Variants in CD274 observed in about 807,000 individuals in gnomAD.
CD274 encodes the protein CD274 molecule, also known as programmed cell death 1 ligand 1.
Under a neutral mutation model 30.1 loss-of-function variants are expected in CD274, and 8 were observed. The ratio of observed to expected loss-of-function variants is 0.27; its 90% confidence interval spans 0.16 to 0.48. CD274 has a LOEUF of 0.48. CD274 is among the 20% of genes least tolerant of loss of function. The pLI is 0.99. For missense variants in CD274, 353 were observed against 346.6 expected (o/e 1.02, Z -0.15); for synonymous variants, 152 against 124.6 (o/e 1.22, Z -1.46).
At chr9:5,456,440 G>A (rs1372881783) in intron 2 of CD274, among the ~76,000 whole-genome samples, 1 of 152,100 alleles carries the variant, frequency 6.6e-6, no homozygotes, top group Non-Finnish European at 1.5e-5. Flanking sequence ...AAAATATCTG[G>A]GGAAATGGCC....
intron 3 of CD274, among the ~76,000 whole-genome samples, chr9:5,459,424 G>A (rs1160554874): frequency 1.3e-5 from 2 of 152,158 alleles, no homozygotes; most frequent in African/African-American, 4.8e-5. Flanking sequence ...TGAGGCAGCT[G>A]GCTTGCAGGA....
rs1819571349 is a variant in CD274, at chr9:5,470,461, T to TA, written c.*2603dup. 1 of 224,268 alleles carries TA rather than the reference T, an allele frequency of 4.5e-6. No individual in the cohort carries two copies. Among genetic ancestry groups the TA allele is most frequent in the Non-Finnish European group, 8.9e-6 (1 of 112,512 alleles). The allele number at this position is 224,268 out of a possible 1,614,324, so 13.9% of individuals were successfully genotyped here. On this transcript the variant is annotated 3_prime_UTR_variant, in exon 7 of 7. Coordinates refer to ENST00000381577, the MANE Select transcript of CD274 (RefSeq NM_014143.4). ...ACTTTTTGTACCTGCATTAATTTAA[T>TA]AAAATATTCTTATTTATTTTGTTAC...
At chr9:5,465,441 C>A in intron 4 of CD274, 58 bp from the exon 5 acceptor site, 4 of 975,964 alleles carry the variant, frequency 4.1e-6, no homozygotes, top group South Asian at 1.3e-5. Context: ...TCTCCTGACC[C>A]CTTCCCATCA....
chr9:5,465,248 A>G (rs1162996817), intron 4 of CD274, among the ~76,000 whole-genome samples: 1 of 152,246 alleles, frequency 6.6e-6, no homozygotes, highest in Non-Finnish European at 1.5e-5. Flanking sequence ...ATCTTGCCCA[A>G]GACCTCAAAA....
chr9:5,469,336 T>C lies in CD274; in HGVS notation c.*1474T>C, dbSNP rs1413699012. ...ATTCATACCTTTCCATGATTCAAAA[T>C]TCAAAAGATCCCATGGGAGATGGTT... is the stretch of plus-strand genomic sequence containing the variant. On this transcript the variant is annotated 3_prime_UTR_variant, in exon 7 of 7. Coordinates refer to ENST00000381577, the MANE Select transcript of CD274 (RefSeq NM_014143.4). The C allele has an allele frequency of 4.3e-6, 1 of 232,654 alleles. No individual in the cohort carries two copies. Among genetic ancestry groups the C allele is most frequent in the Non-Finnish European group, 8.5e-6 (1 of 117,766 alleles). 14.4% of individuals were successfully genotyped at this position (232,654 alleles called of 1,614,324 possible).
At position 5,469,480 on chromosome 9, in the gene CD274, G is replaced by T. The variant is rs372328773; in HGVS notation, c.*1618G>T. 27 of 230,772 alleles carry T rather than the reference G, an allele frequency of 1.2e-4. No homozygotes were observed. The highest frequency in any genetic ancestry group is 4.9e-4 in the East Asian group (8 of 16,176). The allele number at this position is 230,772 out of a possible 1,614,324, so 14.3% of individuals were successfully genotyped here. ...CTACATTTGGAAATGTATGTTAAAAGCACGTATTTTTAAAATTTTTTTCCT... is the reference window on the plus strand; with the variant it reads ...CTACATTTGGAAATGTATGTTAAAATCACGTATTTTTAAAATTTTTTTCCT... On this transcript the variant is annotated 3_prime_UTR_variant, in exon 7 of 7. Transcript: ENST00000381577.
intron 1 of CD274, among the ~76,000 whole-genome samples, chr9:5,454,117 A>G (rs570523406): frequency 6.6e-6 from 1 of 152,298 alleles, no homozygotes; most frequent in South Asian, 2.1e-4. Context: ...GGTTCTTTCC[A>G]TTATATCACT....
At chr9:5,456,029 G>C in intron 1 of CD274, 71 bp from the exon 2 acceptor site, 1 of 872,262 alleles carries the variant, frequency 1.1e-6, no homozygotes, top group African/African-American at 1.7e-5. Context: ...GAACCACCAA[G>C]TCCCATATTG....
chr9:5,465,479 C>G lies in CD274; in HGVS notation c.683-20C>G. The G allele has an allele frequency of 7.0e-7, 1 of 1,430,714 alleles. No homozygotes were observed. Among genetic ancestry groups the G allele is most frequent in the Non-Finnish European group, 9.9e-7 (1 of 1,013,948 alleles). 88.6% of individuals were successfully genotyped at this position (1,430,714 alleles called of 1,614,324 possible). On this transcript the variant is annotated intron_variant, in intron 4 of 6. Transcript: ENST00000381577. ...ATTTTATCTTTAGTCAGTTTGTTTT[C>G]GTTTTGTTTTGTTTTTCAGAACTAC...
Position 5,468,081 on chromosome 9 carries a change from C to A in CD274, c.*219C>A, listed in dbSNP as rs549937238. 3.3e-4 allele frequency: 193 copies of A among 582,904 alleles called. No homozygotes were observed. In the African/African-American group the frequency reaches 3.4e-3, roughly 10 times the overall value. 36.1% of individuals were successfully genotyped at this position (582,904 alleles called of 1,614,324 possible). On this transcript the variant is annotated 3_prime_UTR_variant, in exon 7 of 7. Transcript: ENST00000381577. ...GGGAGCCTGGAGGGAGACCTTGATA[C>A]TTTCAAATGCCTGAGGGGCTCATCG... is the stretch of plus-strand genomic sequence containing the variant.
chr9:5,455,780 T>A (rs2131207805), intron 1 of CD274, among the ~76,000 whole-genome samples: 1 of 152,338 alleles, frequency 6.6e-6, no homozygotes, highest in East Asian at 1.9e-4. Flanking sequence ...AGAAAAAACA[T>A]GAAATAATTG....
rs2131208534 is a variant in CD274 at position 5,456,094 on chromosome 9, A to T, written c.-14-6A>T. The T allele has an allele frequency of 6.4e-7, 1 of 1,564,852 alleles. No individual in the cohort carries two copies. Among genetic ancestry groups the T allele is most frequent in the East Asian group, 2.2e-5 (1 of 44,524 alleles). Reference sequence around the variant, plus strand: ...GCAGTCTTCTTTTCGTGTTTTCCATAATTAGGGCATTCCAGAAAGATGAGG... The same window carrying T: ...GCAGTCTTCTTTTCGTGTTTTCCATTATTAGGGCATTCCAGAAAGATGAGG... On this transcript the variant is annotated splice_region_variant and splice_polypyrimidine_tract_variant and intron_variant, in intron 1 of 6. Coordinates refer to ENST00000381577, the MANE Select transcript of CD274 (RefSeq NM_014143.4).
intron 1 of CD274, among the ~76,000 whole-genome samples, chr9:5,451,032 G>A (rs1819193605): frequency 6.6e-6 from 1 of 152,138 alleles, no homozygotes; most frequent in Non-Finnish European, 1.5e-5. Flanking sequence ...GCGCTAAGCA[G>A]GTCCAGGATC....
Position 5,467,928 on chromosome 9 carries a change from G to A in CD274, c.*66G>A, listed in dbSNP as rs1234366319. 4.3e-6 allele frequency: 6 copies of A among 1,395,242 alleles called. No individual in the cohort carries two copies. The highest frequency in any genetic ancestry group is 6.1e-6 in the Non-Finnish European group (6 of 980,656). The allele number at this position is 1,395,242 out of a possible 1,614,324, so 86.4% of individuals were successfully genotyped here. On this transcript the variant is annotated 3_prime_UTR_variant, in exon 7 of 7. Transcript: ENST00000381577. ...ACCTGTGGTTTAGGGGTTCATCGGG[G>A]CTGAGCGTGACAAGAGGAAGGAATG...
chr9:5,463,572 G>T (rs1362909711), intron 4 of CD274, among the ~76,000 whole-genome samples: 3 of 152,164 alleles, frequency 2.0e-5, no homozygotes, highest in African/African-American at 7.2e-5. Flanking sequence ...TCTTTCCAGG[G>T]TGGCAGGAAA....
chr9:5,463,384 C>T, intron 4 of CD274: 1 of 461,130 alleles, frequency 2.2e-6, no homozygotes, highest in Non-Finnish European at 3.9e-6. Flanking sequence ...AATAATAAGA[C>T]TCAGTTCACA....
intron 3 of CD274, among the ~76,000 whole-genome samples, chr9:5,462,279 C>CT (rs1278981490): frequency 7.2e-5 from 11 of 151,886 alleles, no homozygotes; most frequent in Non-Finnish European, 1.2e-4. Context: ...TTACTGAAGT[C>CT]TAAGAAAAGA....
At position 5,465,610 on chromosome 9, in the gene CD274, G is replaced by C. The variant is rs2131230361; in HGVS notation, c.790+4G>C. On this transcript the variant is annotated splice_donor_region_variant and intron_variant, in intron 5 of 6. Coordinates refer to ENST00000381577, the MANE Select transcript of CD274 (RefSeq NM_014143.4). Reference sequence around the variant, plus strand: ...TTCATCTTCCGTTTAAGAAAAGGTAGTATTTCCTTAATTGCAGTGGTCTCC... The same window carrying C: ...TTCATCTTCCGTTTAAGAAAAGGTACTATTTCCTTAATTGCAGTGGTCTCC... The C allele has an allele frequency of 1.3e-6, 2 of 1,538,248 alleles. No individual in the cohort carries two copies. The highest frequency in any genetic ancestry group is 1.8e-6 in the Non-Finnish European group (2 of 1,111,076).
intron 3 of CD274, among the ~76,000 whole-genome samples, chr9:5,461,055 A>C (rs546295646): frequency 5.6e-4 from 86 of 152,322 alleles, no homozygotes; most frequent in African/African-American, 1.6e-3. Context: ...GTGATGCTTC[A>C]CTATCATTAG....
Sources: gnomAD v4.1 joint callset for allele counts (sites outside exome capture counted in the v4.1 genomes callset) on GRCh38, gnomAD v4.1.1 for gene constraint, MANE v1.5 for transcripts, NCBI Gene and HGNC (gene_info 2026-07-23, HGNC 2026-07-21) for gene names.